MATK: variants seen among roughly 807,000 people sequenced by gnomAD.
The protein encoded by MATK is megakaryocyte-associated tyrosine kinase.
Under a neutral mutation model 59.8 loss-of-function variants are expected in MATK, and 41 were observed. The observed-to-expected ratio is 0.69, with a 90% CI of 0.53 to 0.89. MATK has a LOEUF of 0.89. MATK is among the 40% of genes least tolerant of loss of function. The pLI, the probability that MATK is intolerant of heterozygous loss-of-function variation, is 0.00. For missense variants in MATK, 593 were observed against 719.6 expected (o/e 0.82, Z 2.01); for synonymous variants, 308 against 306.1 (o/e 1.01, Z -0.06).
intron 1 of MATK, among the ~76,000 whole-genome samples, chr19:3,800,240 G>T (rs796650382): frequency 2.6e-4 from 40 of 152,310 alleles, no homozygotes; most frequent in African/African-American, 9.4e-4. Context: ...CAGTAAATAG[G>T]TGATGAATCA....
intron 1 of MATK, among the ~76,000 whole-genome samples, chr19:3,797,526 T>C (rs1260908762): frequency 6.6e-6 from 1 of 151,782 alleles, no homozygotes; most frequent in East Asian, 2.0e-4. Context: ...GCTCAAACAA[T>C]CTGCCTGCCT....
At chr19:3,787,908 C>G (rs2037503610), upstream of MATK, among the ~76,000 whole-genome samples, 2 of 151,392 alleles carry the variant, frequency 1.3e-5, no homozygotes, top group Admixed American at 1.3e-4. Flanking sequence ...CATTATGCAG[C>G]AGACTAGGAA....
chr19:3,784,063 G>A, intron 5 of MATK, 30 bp from the exon 6 acceptor site: 5 of 1,592,660 alleles, frequency 3.1e-6, no homozygotes, highest in Non-Finnish European at 4.3e-6. Context: ...GGGTCAGACT[G>A]GGCTGTGGAG....
intron 12 of MATK, 137 bp from the exon 13 acceptor site, chr19:3,778,732 G>A (rs953008574): frequency 3.0e-6 from 3 of 1,008,068 alleles, no homozygotes; most frequent in East Asian, 2.6e-5. Flanking sequence ...AACGCCGCCC[G>A]CAGTTGAGTC....
upstream of MATK, chr19:3,786,456 G>T (rs1353528766): frequency 4.2e-6 from 4 of 957,374 alleles, no homozygotes; most frequent in Non-Finnish European, 5.0e-6. This position sits in a 1 kb window ranked among gnomAD's most constrained non-coding sequence, Gnocchi z 4.1. Flanking sequence ...CGCCTCCCGC[G>T]CGCCCCGGGC....
At chr19:3,786,410 G>GCCGGCCCCTCCCCGCCC, upstream of MATK, 1 of 979,904 alleles carries the variant, frequency 1.0e-6, no homozygotes. The surrounding 1 kb of genome is among the most constrained non-coding windows in gnomAD (Gnocchi z 4.1). Context: ...CGCCGCCGCC[G>GCCGGCCCCTCCCCGCCC]CCGGCCCCTC....
chr19:3,786,057 A>G lies in MATK; in HGVS notation c.-152+112T>C. The G allele has an allele frequency of 8.6e-6, 3 of 347,426 alleles. No homozygotes were observed. The highest frequency in any genetic ancestry group is 8.1e-6 in the Non-Finnish European group (2 of 246,754). The allele number at this position is 347,426 out of a possible 1,614,324, so 21.5% of individuals were successfully genotyped here. A position where few individuals can be genotyped will look rare whatever the true frequency, so the allele number is the denominator to read the frequency against. Reference sequence around the variant, plus strand: ...GCGCCCGGGACGCGCACACTCGCGCACACACCGGCCCTTCCTGCGCACGTC... The same window carrying G: ...GCGCCCGGGACGCGCACACTCGCGCGCACACCGGCCCTTCCTGCGCACGTC... On this transcript the variant is annotated intron_variant, in intron 1 of 13. Coordinates refer to ENST00000310132, the MANE Select transcript of MATK (RefSeq NM_139355.3). The surrounding 1 kb of genome is among the most constrained non-coding windows in gnomAD (Gnocchi z 4.1).
upstream of MATK, among the ~76,000 whole-genome samples, chr19:3,786,892 A>G (rs1198687936): frequency 6.6e-6 from 1 of 152,064 alleles, no homozygotes; most frequent in Non-Finnish European, 1.5e-5. The surrounding 1 kb of genome is among the most constrained non-coding windows in gnomAD (Gnocchi z 4.1). Context: ...CTTGGAGGGT[A>G]AAAGGGGGGC....
upstream of MATK, among the ~76,000 whole-genome samples, chr19:3,789,785 C>CA (rs201412480): frequency 1.4e-5 from 2 of 144,606 alleles, no homozygotes; most frequent in Admixed American, 7.1e-5. Flanking sequence ...AGTGCAGTGG[C>CA]CTGATCTCGG....
At position 3,779,019 on chromosome 19, in the gene MATK, C is replaced by G. The variant is rs1300439779; in HGVS notation, c.1170G>C (p.Trp390Cys). 6.3e-7 allele frequency: 1 copy of G among 1,582,648 alleles called. No homozygotes were observed. Among genetic ancestry groups the G allele is most frequent in the Admixed American group, 1.8e-5 (1 of 56,176 alleles). Residue 390 changes from tryptophan to cysteine, a missense_variant, in exon 12 of 14, where the codon TGG becomes TGC. Coordinates refer to ENST00000310132, the MANE Select transcript of MATK (RefSeq NM_139355.3). ...CGTGTTTGAGAGCCTCGGGCGCCGT[C>G]CACTTGACGGGCAGCCGGCTTGAGT... ...GLDSSRLPVK[W>C]TAPEALKHGK...
Position 3,785,104 on chromosome 19 carries a change from C to A in MATK, c.32G>T (p.Arg11Leu). Residue 11 changes from arginine (R) to leucine (L), a missense_variant, in exon 2 of 14, where the codon CGG becomes CTG. Arg to Leu is a moderately radical substitution (Grantham distance 102). Coordinates refer to ENST00000310132, the MANE Select transcript of MATK (RefSeq NM_139355.3). Reference sequence around the variant, plus strand: ...AGCAGAATCACAGCCGTGAAATGCCCGCCAGGAAACCAGAGAGCCTCGCCC... The same window carrying A: ...AGCAGAATCACAGCCGTGAAATGCCAGCCAGGAAACCAGAGAGCCTCGCCC... The part of the protein sequence containing the change: MAGRGSLVSW[R>L]AFHGCDSAEE... The A allele has an allele frequency of 6.2e-7, 1 of 1,614,060 alleles. No homozygotes were observed. Among genetic ancestry groups the A allele is most frequent in the Non-Finnish European group, 8.5e-7 (1 of 1,179,986 alleles).
chr19:3,783,190 G>T lies in MATK; in HGVS notation c.612C>A (p.Cys204Ter). Reference sequence around the variant, plus strand: ...TCCGCTTTGGTCTCACCAGCTTGGTGCAGATAGCGCCCTTGTCCTTGCTGT... The same window carrying T: ...TCCGCTTTGGTCTCACCAGCTTGGTTCAGATAGCGCCCTTGTCCTTGCTGT... ...EHYSKDKGAI[C>*]TKLVRPKRKH... is the part of the protein sequence containing the mutation. The change falls in exon 7 of 14, where the codon TGC becomes TGA. Residue 204 changes from cysteine (C) to a stop codon, truncating the protein, a stop_gained. Transcript: ENST00000310132. LOFTEE classifies it high-confidence loss of function. 2 of 1,614,042 alleles carry T rather than the reference G, an allele frequency of 1.2e-6. No homozygotes were observed. Among genetic ancestry groups the T allele is most frequent in the Non-Finnish European group, 1.7e-6 (2 of 1,179,968 alleles).
chr19:3,793,888 T>A (rs2145114114), intron 1 of MATK, among the ~76,000 whole-genome samples: 1 of 151,962 alleles, frequency 6.6e-6, no homozygotes. Flanking sequence ...AAAAAATAAA[T>A]AAAATAAAAG....
Position 3,779,013 on chromosome 19 carries a change from C to A in MATK, c.1176G>T (p.Ala392=). Residue 392 remains alanine (A), a synonymous_variant, in exon 12 of 14, where the codon GCG becomes GCT. Coordinates refer to ENST00000310132, the MANE Select transcript of MATK (RefSeq NM_139355.3). The stretch of plus-strand genomic sequence containing the variant: ...TCACCCCGTGTTTGAGAGCCTCGGG[C>A]GCCGTCCACTTGACGGGCAGCCGGC... ...DSSRLPVKWT[A]PEALKHGKFT... 3.2e-6 allele frequency: 5 copies of A among 1,576,804 alleles called. No homozygotes were observed. The highest frequency in any genetic ancestry group is 3.4e-6 in the Non-Finnish European group (4 of 1,164,044).
upstream of MATK, among the ~76,000 whole-genome samples, chr19:3,791,343 T>TC (rs768893923): frequency 0.013 from 1,856 of 142,354 alleles, 26 homozygotes; most frequent in Non-Finnish European, 0.019. Flanking sequence ...TCTCTCCACC[T>TC]CCCCCCACTT....
At chr19:3,791,230 G>A (rs572359722), upstream of MATK, among the ~76,000 whole-genome samples, 5 of 152,112 alleles carry the variant, frequency 3.3e-5, no homozygotes, top group East Asian at 9.7e-4. Context: ...GGGATGCCTC[G>A]AGCTTCTCTT....
chr19:3,784,458 A>AG lies in MATK; in HGVS notation c.133-8dup. On this transcript the variant is annotated splice_polypyrimidine_tract_variant and splice_region_variant and intron_variant, in intron 3 of 13. Transcript: ENST00000310132. Reference sequence around the variant, plus strand: ...TGCCCGGGGCCCAGCGCCTCTGCAGAGGGGGCCGGGAGAGGGGCAAAGGGA... The same window carrying AG: ...TGCCCGGGGCCCAGCGCCTCTGCAGAGGGGGGCCGGGAGAGGGGCAAAGGGA... 6.3e-7 allele frequency: 1 copy of AG among 1,583,390 alleles called. No homozygotes were observed. Among genetic ancestry groups the AG allele is most frequent in the Non-Finnish European group, 8.6e-7 (1 of 1,168,172 alleles).
intron 1 of MATK, among the ~76,000 whole-genome samples, chr19:3,796,571 C>A (rs1214050335): frequency 6.6e-6 from 1 of 152,128 alleles, no homozygotes; most frequent in Non-Finnish European, 1.5e-5. Flanking sequence ...TGGAGTTAGT[C>A]ATCGCCTTGG....
At chr19:3,800,940 A>C (rs986308434) in intron 1 of MATK, among the ~76,000 whole-genome samples, 1 of 152,064 alleles carries the variant, frequency 6.6e-6, no homozygotes, top group Non-Finnish European at 1.5e-5. Context: ...GGCTCACTAC[A>C]ACCTTGGTCT....
Sources: allele counts gnomAD v4.1 joint callset (sites outside exome capture counted in the v4.1 genomes callset), GRCh38; gene constraint gnomAD v4.1.1; non-coding constraint Gnocchi (gnomAD v3.1); transcripts MANE v1.5; gene names NCBI Gene and HGNC (gene_info 2026-07-23, HGNC 2026-07-21).